Variants in TMCO4 observed in about 807,000 individuals in gnomAD.
The protein encoded by TMCO4 is transmembrane and coiled-coil domain-containing protein 4.
In TMCO4, 58 loss-of-function variants were observed where a neutral mutation model predicts 64.7. The ratio of observed to expected loss-of-function variants is 0.90; its 90% CI spans 0.73 to 1.12. The LOEUF is 1.12. Ranked by LOEUF, TMCO4 falls within the 50% of genes most tolerant of loss-of-function variation. TMCO4 has a pLI of 0.00. For missense variants in TMCO4, 780 were observed against 825.9 expected, an observed-to-expected ratio of 0.94 and a Z score of 0.68; for synonymous variants, 325 against 346.1, an observed-to-expected ratio of 0.94 and a Z score of 0.68.
At chr1:19,767,564 G>A (rs1385240801) in intron 6 of TMCO4, among the ~76,000 whole-genome samples, 1 of 152,130 alleles carries the variant, frequency 6.6e-6, no homozygotes, top group African/African-American at 2.4e-5. Context: ...GCAGGGGTGG[G>A]GTGCAGAAAG....
At chr1:19,745,304 G>C (rs111478619) in intron 10 of TMCO4, among the ~76,000 whole-genome samples, 5,294 of 150,754 alleles carry the variant, frequency 0.035, 134 homozygotes, top group Middle Eastern at 0.055. Flanking sequence ...GGGTGGGTAG[G>C]TGGATGGGTG....
chr1:19,687,273 G>C (rs1570612788), intron 15 of TMCO4, among the ~76,000 whole-genome samples: 1 of 152,150 alleles, frequency 6.6e-6, no homozygotes, highest in African/African-American at 2.4e-5. Flanking sequence ...TAAATGTAGA[G>C]ATGGGGACTT....
At chr1:19,697,782 T>TG (rs2095246626) in intron 14 of TMCO4, among the ~76,000 whole-genome samples, 1 of 151,546 alleles carries the variant, frequency 6.6e-6, no homozygotes, top group African/African-American at 2.4e-5. Flanking sequence ...TATTTTTTTT[T>TG]TTTTTTTTTG....
chr1:19,799,750 C>T (rs1042118938), intron 1 of TMCO4, 105 bp downstream of exon 1: 22 of 152,278 alleles, frequency 1.4e-4, no homozygotes, highest in African/African-American at 5.3e-4. Flanking sequence ...GGCAAAGGGC[C>T]CCGGGGCTGG....
intron 4 of TMCO4, among the ~76,000 whole-genome samples, chr1:19,777,073 T>C (rs1218793885): frequency 6.7e-6 from 1 of 149,346 alleles, no homozygotes. Flanking sequence ...CAAAAGCCTC[T>C]ATTTGTTCCC....
At chr1:19,694,679 G>A in intron 14 of TMCO4, 128 bp from the exon 15 acceptor site, 1 of 779,574 alleles carries the variant, frequency 1.3e-6, no homozygotes, top group Non-Finnish European at 2.1e-6. Context: ...CAGGGCCCCT[G>A]ATTGCACGGT....
intron 13 of TMCO4, among the ~76,000 whole-genome samples, chr1:19,719,974 A>G (rs1043886954): frequency 6.6e-6 from 1 of 151,756 alleles, no homozygotes; most frequent in African/African-American, 2.4e-5. Context: ...CCTGGACGAC[A>G]GAGAGAGATT....
In TMCO4 at chr1:19,759,101, C is replaced by CAAAAAAA. The variant is rs1163885215; in HGVS notation, c.383-3342_383-3336dup. The stretch of plus-strand genomic sequence containing the variant: ...TGGGCAACAGAGAGAGACTCGGTCT[C>CAAAAAAA]AAAAAAAAAAAAAAAAAAAAAAAAA... On this transcript the variant is annotated intron_variant, in intron 6 of 15. Coordinates refer to ENST00000294543, the MANE Select transcript of TMCO4 (RefSeq NM_181719.7). 1.4e-4 allele frequency among the ~76,000 whole-genome samples: 3 copies of CAAAAAAA among 21,176 alleles called. 1 individual carries two copies. Among genetic ancestry groups the CAAAAAAA allele is most frequent in the Non-Finnish European group, 2.2e-4 (2 of 9,160 alleles). 13.9% of individuals were successfully genotyped at this position (21,176 alleles called of 152,430 possible).
intron 6 of TMCO4, among the ~76,000 whole-genome samples, chr1:19,759,050 C>CAAG (rs1432152859): frequency 7.3e-6 from 1 of 136,244 alleles, no homozygotes; most frequent in African/African-American, 2.8e-5. Context: ...TGTAGTGAGC[C>CAAG]AAGATCATGC....
chr1:19,704,275 T>TA (rs2095290696), intron 13 of TMCO4, among the ~76,000 whole-genome samples: 2 of 152,234 alleles, frequency 1.3e-5, no homozygotes, highest in African/African-American at 4.8e-5. Flanking sequence ...ATAGCAAGGA[T>TA]GGCTCAGATA....
intron 3 of TMCO4, among the ~76,000 whole-genome samples, chr1:19,784,276 G>A (rs1406967112): frequency 6.6e-6 from 1 of 152,204 alleles, no homozygotes; most frequent in Non-Finnish European, 1.5e-5. Flanking sequence ...GCTCACGCCT[G>A]TAATCCCAGC....
chr1:19,794,853 T>C (rs1360089473), intron 2 of TMCO4, among the ~76,000 whole-genome samples: 2 of 152,190 alleles, frequency 1.3e-5, no homozygotes, highest in Non-Finnish European at 2.9e-5. Context: ...ACAACACGAA[T>C]GAACCTTGAA....
chr1:19,794,581 G>C (rs2044210616), intron 2 of TMCO4, among the ~76,000 whole-genome samples: 1 of 152,198 alleles, frequency 6.6e-6, no homozygotes, highest in African/African-American at 2.4e-5. Context: ...ATGAAACACA[G>C]GGGGGACCCC....
intron 6 of TMCO4, among the ~76,000 whole-genome samples, chr1:19,764,943 T>C (rs61768313): frequency 0.12 from 17,783 of 150,956 alleles, 1,139 homozygotes; most frequent in Non-Finnish European, 0.13. Context: ...ACACCTCAAG[T>C]CTTTCTGATT....
intron 13 of TMCO4, among the ~76,000 whole-genome samples, chr1:19,731,982 T>A (rs905030403): frequency 3.3e-5 from 5 of 152,192 alleles, no homozygotes; most frequent in Non-Finnish European, 4.4e-5. Flanking sequence ...AGATCTTGCA[T>A]CAGAGAGATC....
intron 15 of TMCO4, 54 bp downstream of exon 15, chr1:19,694,380 G>T (rs372447501): frequency 1.4e-5 from 21 of 1,510,620 alleles, no homozygotes; most frequent in East Asian, 1.4e-4. Flanking sequence ...GGGGTGGCTG[G>T]GCTGGAGCAA....
At chr1:19,711,576 C>A (rs1172699868) in intron 13 of TMCO4, among the ~76,000 whole-genome samples, 1 of 152,156 alleles carries the variant, frequency 6.6e-6, no homozygotes, top group African/African-American at 2.4e-5. Context: ...GCAGCCTCGA[C>A]TTCCCAGGCT....
chr1:19,734,641 C>T lies in TMCO4; in HGVS notation c.1264+2731G>A, dbSNP rs908339797. Among the ~76,000 whole-genome samples the T allele has an allele frequency of 1.3e-5, 2 of 152,086 alleles. No individual in the cohort carries two copies. Among genetic ancestry groups the T allele is most frequent in the Non-Finnish European group, 2.9e-5 (2 of 67,988 alleles). On this transcript the variant is annotated intron_variant, in intron 13 of 15. Transcript: ENST00000294543. The surrounding 1 kb of genome is among the most constrained non-coding windows in gnomAD (Gnocchi z 4.4). ...ACGTGGGCTGCAGAGACACCAGATG[C>T]CACCGTTTCTAGACACCCCTGAGAG...
chr1:19,730,290 C>T (rs757033476), intron 13 of TMCO4, among the ~76,000 whole-genome samples: 8 of 152,214 alleles, frequency 5.3e-5, no homozygotes, highest in Non-Finnish European at 8.8e-5. Flanking sequence ...GGAGCTCCCT[C>T]GACCTGGGCA....
Sources: gnomAD v4.1 joint callset for allele counts (sites outside exome capture counted in the v4.1 genomes callset) on GRCh38, gnomAD v4.1.1 for gene constraint, Gnocchi (gnomAD v3.1) non-coding constraint, MANE v1.5 for transcripts, NCBI Gene and HGNC (gene_info 2026-07-23, HGNC 2026-07-21) for gene names.